TELO2: variants seen among roughly 807,000 people sequenced by gnomAD.
The protein encoded by TELO2 is telomere length regulation protein TEL2 homolog.
In TELO2, 71 loss-of-function variants were observed where a neutral mutation model predicts 91.0. The ratio of observed to expected loss-of-function variants is 0.78; its 90% CI spans 0.64 to 0.95. TELO2 has a LOEUF of 0.95. Among genes scored for constraint, TELO2 ranks in the 40% least tolerant of loss-of-function variants. The pLI is 0.00. For synonymous variants in TELO2, 584 were observed against 518.9 expected (o/e 1.13, Z -1.71); for missense variants, 1,183 against 1,141.3 (o/e 1.04, Z -0.53).
intron 12 of TELO2, 78 bp from the exon 13 acceptor site, chr16:1,502,235 G>T: frequency 6.4e-7 from 1 of 1,568,662 alleles, no homozygotes; most frequent in Non-Finnish European, 8.6e-7. Flanking sequence ...TGGGCCCGGG[G>T]TGCCGCCCGT....
intron 11 of TELO2, 121 bp from the exon 12 acceptor site, chr16:1,501,926 G>A (rs753283172): frequency 6.7e-6 from 10 of 1,484,378 alleles, no homozygotes; most frequent in African/African-American, 4.2e-5. Context: ...CAGCTCCACC[G>A]TAGGCGCAGG....
rs770142452 is a variant in TELO2 at position 1,497,409 on chromosome 16, G to A, written c.731G>A (p.Gly244Asp). The A allele has an allele frequency of 6.4e-7, 1 of 1,552,638 alleles. No homozygotes were observed. Among genetic ancestry groups the A allele is most frequent in the Non-Finnish European group, 8.7e-7 (1 of 1,148,494 alleles). ...CCCCGGCTGGCAGCGCTCACCCAGG[G>A]CAGCTACCTGCACCAGCGCGTCTGC... ...LVPRLAALTQ[G>D]SYLHQRVCWR... is the part of the protein sequence containing the mutation. The change falls in exon 5 of 21, where the codon GGC becomes GAC. Residue 244 changes from glycine (G) to aspartate (D), a missense_variant. Physicochemically the swap from Gly to Asp is moderately conservative, Grantham distance 94 (BLOSUM62 -1). Transcript: ENST00000262319. The surrounding 1 kb of genome is among the most constrained non-coding windows in gnomAD (Gnocchi z 4.0).
chr16:1,499,438 T>A, intron 6 of TELO2, 105 bp downstream of exon 6: 2 of 1,313,234 alleles, frequency 1.5e-6, no homozygotes, highest in Non-Finnish European at 2.2e-6. Context: ...AGACCCTGCC[T>A]GTGATTTGGC....
At position 1,494,554 on chromosome 16, in the gene TELO2, C is replaced by G; in HGVS notation, c.273C>G (p.Phe91Leu). ...GRLEELWASF[F>L]LEGPADQAFL... is the part of the protein sequence containing the mutation. ...TGGAGGAGCTGTGGGCCAGCTTCTTCCTGGAGGGCCCGGCGGACCAAGCCT... is the reference window on the plus strand; with the variant it reads ...TGGAGGAGCTGTGGGCCAGCTTCTTGCTGGAGGGCCCGGCGGACCAAGCCT... Residue 91 changes from phenylalanine (F) to leucine (L), a missense_variant, in exon 2 of 21, where the codon TTC becomes TTG. Coordinates refer to ENST00000262319, the MANE Select transcript of TELO2 (RefSeq NM_016111.4). This position sits in a 1 kb window ranked among gnomAD's most constrained non-coding sequence, Gnocchi z 5.6. The G allele has an allele frequency of 6.2e-7, 1 of 1,613,506 alleles. No homozygotes were observed. Among genetic ancestry groups the G allele is most frequent in the Non-Finnish European group, 8.5e-7 (1 of 1,179,948 alleles).
At position 1,497,128 on chromosome 16, in the gene TELO2, C is replaced by G; in HGVS notation, c.682+24C>G. Reference sequence around the variant, plus strand: ...GCGTGAGTAGAGCAGTGCCTTCCTGCCCATCCTGCCCCGACCCTCACAGCC... The same window carrying G: ...GCGTGAGTAGAGCAGTGCCTTCCTGGCCATCCTGCCCCGACCCTCACAGCC... On this transcript the variant is annotated intron_variant, in intron 4 of 20. Coordinates refer to ENST00000262319, the MANE Select transcript of TELO2 (RefSeq NM_016111.4). The surrounding 1 kb of genome is among the most constrained non-coding windows in gnomAD (Gnocchi z 4.0). 6.2e-7 allele frequency: 1 copy of G among 1,612,958 alleles called. No individual in the cohort carries two copies. The highest frequency in any genetic ancestry group is 8.5e-7 in the Non-Finnish European group (1 of 1,179,250).
In TELO2 at chr16:1,494,251, C is replaced by T. The variant is rs1295228493; in HGVS notation, c.-31C>T. 2.5e-6 allele frequency: 4 copies of T among 1,591,766 alleles called. No homozygotes were observed. The African/African-American group carries it at 5.4e-5, about 21-fold the overall frequency. ...GCCCTGTGTCCATGTCACAGGTCGTCTTCCCGTGACGCCCAGATCTGTCCT... is the reference window on the plus strand; with the variant it reads ...GCCCTGTGTCCATGTCACAGGTCGTTTTCCCGTGACGCCCAGATCTGTCCT... On this transcript the variant is annotated 5_prime_UTR_variant, in exon 2 of 21. Coordinates refer to ENST00000262319, the MANE Select transcript of TELO2 (RefSeq NM_016111.4). This position sits in a 1 kb window ranked among gnomAD's most constrained non-coding sequence, Gnocchi z 5.6.
Position 1,494,324 on chromosome 16 carries a change from G to T in TELO2, c.43G>T (p.Ala15Ser). ...PSEVRLAVRE[A>S]IHALSSSEDG... The stretch of plus-strand genomic sequence containing the variant: ...AGAGGTTCGACTCGCCGTCCGGGAA[G>T]CCATTCATGCCCTCTCGTCTTCGGA... The change falls in exon 2 of 21, where the codon GCC (alanine) becomes TCC (serine). Residue 15 changes from alanine (A) to serine (S), a missense_variant. Ala to Ser is a moderately conservative substitution (Grantham distance 99, BLOSUM62 1). Coordinates refer to ENST00000262319, the MANE Select transcript of TELO2 (RefSeq NM_016111.4). This position sits in a 1 kb window ranked among gnomAD's most constrained non-coding sequence, Gnocchi z 5.6. 6.2e-7 allele frequency: 1 copy of T among 1,613,594 alleles called. No homozygotes were observed. The highest frequency in any genetic ancestry group is 1.3e-5 in the African/African-American group (1 of 74,998).
rs751442052 is a variant in TELO2 at position 1,494,407 on chromosome 16, G to T, written c.126G>T (p.Met42Ile). 19 of 1,613,338 alleles carry T rather than the reference G, an allele frequency of 1.2e-5. No homozygotes were observed. The highest frequency in any genetic ancestry group is 1.5e-5 in the Non-Finnish European group (18 of 1,179,962). Residue 42 changes from methionine to isoleucine, a missense_variant, in exon 2 of 21, where the codon ATG (methionine) becomes ATT (isoleucine). Coordinates refer to ENST00000262319, the MANE Select transcript of TELO2 (RefSeq NM_016111.4). The surrounding 1 kb of genome is among the most constrained non-coding windows in gnomAD (Gnocchi z 5.6). Reference protein sequence around the residue: ...LESLKRYLGEMEPPALPREKE... With the variant: ...LESLKRYLGEIEPPALPREKE... The stretch of plus-strand genomic sequence containing the variant: ...CCCTGAAGCGGTATCTCGGTGAGAT[G>T]GAGCCTCCAGCGCTCCCGAGGGAGA...
rs989778052 is a variant in TELO2, at chr16:1,502,877, C to T, written c.1771-54C>T. 20 of 1,605,426 alleles carry T rather than the reference C, an allele frequency of 1.2e-5. No individual in the cohort carries two copies. The East Asian group carries it at 4.5e-4, about 36-fold the overall frequency. The stretch of plus-strand genomic sequence containing the variant: ...CTGGCTGTGAGGTGCCCGGAGGTCG[C>T]CCCGGGTGGCCCTCAGGTCCCGGAC... On this transcript the variant is annotated intron_variant, in intron 14 of 20. Coordinates refer to ENST00000262319, the MANE Select transcript of TELO2 (RefSeq NM_016111.4).
chr16:1,498,178 C>T (rs2039560236), intron 5 of TELO2, among the ~76,000 whole-genome samples: 1 of 152,030 alleles, frequency 6.6e-6, no homozygotes, highest in African/African-American at 2.4e-5. Context: ...CCACACCCGG[C>T]TAATTTTTGT....
chr16:1,495,762 C>G, intron 3 of TELO2, 139 bp downstream of exon 3: 2 of 1,250,500 alleles, frequency 1.6e-6, no homozygotes, highest in East Asian at 2.5e-5. Context: ...ATGTCCCTGT[C>G]CCGCACAGTA....
At chr16:1,508,874 G>A (rs967570233) in intron 20 of TELO2, among the ~76,000 whole-genome samples, 4 of 152,176 alleles carry the variant, frequency 2.6e-5, no homozygotes, top group Non-Finnish European at 5.9e-5. Flanking sequence ...GTCTTCCCAC[G>A]GAGCAGCTGG....
At position 1,495,491 on chromosome 16, in the gene TELO2, G is replaced by A. The variant is rs1484245449; in HGVS notation, c.481G>A (p.Val161Met). 1 of 1,610,998 alleles carries A rather than the reference G, an allele frequency of 6.2e-7. No individual in the cohort carries two copies. The change falls in exon 3 of 21, where the codon GTG (valine) becomes ATG (methionine). Residue 161 changes from valine to methionine, a missense_variant. By Grantham distance (21) the Val-to-Met change is conservative (BLOSUM62 1). Transcript: ENST00000262319. ...CCGGGAGACGCTGCTGGGCAAGGTG[G>A]TGGCCCTGCCCGATCACCTGGGCAA... ...LLRETLLGKV[V>M]ALPDHLGNRL...
rs778145764 is a variant in TELO2 at position 1,502,636 on chromosome 16, T to C, written c.1654-9T>C. ...CGACAGGTTTCCCAGCCCTAACCCC[T>C]GCGTGCAGGTGAGCGTGGAGCTGGC... On this transcript the variant is annotated splice_polypyrimidine_tract_variant and intron_variant, in intron 13 of 20. Transcript: ENST00000262319. 1.2e-6 allele frequency: 2 copies of C among 1,610,022 alleles called. No individual in the cohort carries two copies. Among genetic ancestry groups the C allele is most frequent in the Non-Finnish European group, 1.7e-6 (2 of 1,179,694 alleles).
chr16:1,495,502 C>G lies in TELO2; in HGVS notation c.492C>G (p.Pro164=), dbSNP rs780947006. ...TGCTGGGCAAGGTGGTGGCCCTGCC[C>G]GATCACCTGGGCAACCGCCTGCAGC... ...ETLLGKVVAL[P]DHLGNRLQQE... The change falls in exon 3 of 21, where the codon CCC becomes CCG. Residue 164 remains proline, a synonymous_variant. Transcript: ENST00000262319. 5 of 1,611,022 alleles carry G rather than the reference C, an allele frequency of 3.1e-6. No homozygotes were observed. In the South Asian group the frequency reaches 3.3e-5, roughly 11 times the overall value.
chr16:1,507,769 T>G (rs2039953651), intron 20 of TELO2, 53 bp downstream of exon 20: 2 of 1,355,588 alleles, frequency 1.5e-6, no homozygotes, highest in Admixed American at 3.2e-5. Context: ...CCGGGGTGTG[T>G]GTGTATGTGT....
Position 1,505,462 on chromosome 16 carries a change from C to G in TELO2, c.1895C>G (p.Thr632Ser). ...ELSRPGCLGR[T>S]PQPGSPSPNT... is the part of the protein sequence containing the mutation. ...TCTAGGCCTGGGTGCCTCGGGAGGACTCCCCAACCTGGCTCCCCAAGTCCC... is the reference window on the plus strand; with the variant it reads ...TCTAGGCCTGGGTGCCTCGGGAGGAGTCCCCAACCTGGCTCCCCAAGTCCC... The change falls in exon 16 of 21, where the codon ACT (threonine) becomes AGT (serine). Residue 632 changes from threonine (T) to serine (S), a missense_variant. By Grantham distance (58) the Thr-to-Ser change is moderately conservative. Coordinates refer to ENST00000262319, the MANE Select transcript of TELO2 (RefSeq NM_016111.4). The surrounding 1 kb of genome is among the most constrained non-coding windows in gnomAD (Gnocchi z 4.3). 1 of 1,613,122 alleles carries G rather than the reference C, an allele frequency of 6.2e-7. No individual in the cohort carries two copies. Among genetic ancestry groups the G allele is most frequent in the Non-Finnish European group, 8.5e-7 (1 of 1,180,014 alleles).
chr16:1,502,302 G>T lies in TELO2; in HGVS notation c.1562-11G>T, dbSNP rs1436769823. The stretch of plus-strand genomic sequence containing the variant: ...CTGAGGCTGACCGAGGCCTCTCTGG[G>T]TTCTGTGCAGCCCTGACCACGTCTG... On this transcript the variant is annotated splice_polypyrimidine_tract_variant and intron_variant, in intron 12 of 20. Coordinates refer to ENST00000262319, the MANE Select transcript of TELO2 (RefSeq NM_016111.4). 8 of 1,597,202 alleles carry T rather than the reference G, an allele frequency of 5.0e-6. No homozygotes were observed. Among genetic ancestry groups the T allele is most frequent in the Non-Finnish European group, 6.8e-6 (8 of 1,172,982 alleles).
intron 3 of TELO2, 97 bp from the exon 4 acceptor site, chr16:1,496,939 T>G (rs1596252052): frequency 1.6e-6 from 2 of 1,251,732 alleles, no homozygotes; most frequent in Non-Finnish European, 1.1e-6. Flanking sequence ...TTGCTGTCGG[T>G]TGGAGTCCGC....
Sources: gnomAD v4.1 joint callset for allele counts (sites outside exome capture counted in the v4.1 genomes callset) on GRCh38, gnomAD v4.1.1 for gene constraint, Gnocchi (gnomAD v3.1) non-coding constraint, MANE v1.5 for transcripts, NCBI Gene and HGNC (gene_info 2026-07-23, HGNC 2026-07-21) for gene names.